Variants in MED13 observed in about 807,000 individuals in gnomAD.
The protein encoded by MED13 is mediator of RNA polymerase II transcription subunit 13.
Under a neutral mutation model 225.2 loss-of-function variants are expected in MED13, and 23 were observed. The ratio of observed to expected loss-of-function variants is 0.10; its 90% CI spans 0.07 to 0.14. The LOEUF (loss-of-function observed/expected upper bound fraction) is 0.14, where lower values mean the gene tolerates loss of function less well. MED13 is among the 10% of genes least tolerant of loss of function. MED13 has a pLI of 1.00. For missense variants in MED13, 2,197 were observed against 2,594.5 expected (o/e 0.85, Z 3.33); for synonymous variants, 942 against 889.2 (o/e 1.06, Z -1.06).
chr17:62,023,110 T>G (rs1298684383), intron 8 of MED13, among the ~76,000 whole-genome samples: 1 of 152,186 alleles, frequency 6.6e-6, no homozygotes, highest in Admixed American at 6.5e-5. Context: ...GTGAGTAGGC[T>G]TGGGGGAGAG....
At chr17:61,993,596 A>G (rs1603398958) in intron 10 of MED13, among the ~76,000 whole-genome samples, 3 of 152,160 alleles carry the variant, frequency 2.0e-5, no homozygotes, top group Admixed American at 2.0e-4. Context: ...GGCATATAGT[A>G]GGGCTAAGTA....
At chr17:62,021,345 G>T (rs2080643294) in intron 8 of MED13, among the ~76,000 whole-genome samples, 1 of 147,358 alleles carries the variant, frequency 6.8e-6, no homozygotes, top group African/African-American at 2.5e-5. Flanking sequence ...CTCCCGGACA[G>T]GGTGGCTGGC....
chr17:62,039,841 C>T (rs1192718586), intron 3 of MED13, among the ~76,000 whole-genome samples: 2 of 151,994 alleles, frequency 1.3e-5, no homozygotes, highest in African/African-American at 2.4e-5. Flanking sequence ...TCAGGTGATC[C>T]GCCCACCTTG....
chr17:61,946,652 T>C (rs1255775862), intron 29 of MED13, 52 bp from the exon 30 acceptor site: 3 of 1,595,778 alleles, frequency 1.9e-6, no homozygotes, highest in Non-Finnish European at 2.6e-6. Flanking sequence ...AACCTAGATT[T>C]TGGAAGCAGT....
intron 26 of MED13, among the ~76,000 whole-genome samples, chr17:61,953,967 T>C (rs377589956): frequency 6.6e-6 from 1 of 152,154 alleles, no homozygotes; most frequent in African/African-American, 2.4e-5. Flanking sequence ...CAATGATAAA[T>C]TAGGTACAGT....
chr17:61,955,869 A>G, intron 24 of MED13, 31 bp from the exon 25 acceptor site: 2 of 1,501,508 alleles, frequency 1.3e-6, no homozygotes, highest in Admixed American at 2.5e-5. Flanking sequence ...AAAAAAAAAA[A>G]AAAAAAAAAA....
intron 8 of MED13, among the ~76,000 whole-genome samples, chr17:62,021,904 C>T (rs1415581122): frequency 1.3e-5 from 2 of 152,050 alleles, no homozygotes; most frequent in Non-Finnish European, 2.9e-5. Flanking sequence ...CAGTGGCTCA[C>T]GTCTGTAATT....
chr17:62,018,825 T>C (rs1204519273), intron 8 of MED13, among the ~76,000 whole-genome samples: 1 of 152,220 alleles, frequency 6.6e-6, no homozygotes, highest in Non-Finnish European at 1.5e-5. Flanking sequence ...GTGAGGGTTC[T>C]AGAATATCGA....
chr17:62,033,723 C>A, intron 5 of MED13, 64 bp downstream of exon 5: 1 of 1,479,624 alleles, frequency 6.8e-7, no homozygotes, highest in Non-Finnish European at 9.3e-7. Flanking sequence ...TGTTATTCAG[C>A]AAAATATAAC....
chr17:62,052,496 A>C, intron 3 of MED13, 41 bp downstream of exon 3: 1 of 1,444,142 alleles, frequency 6.9e-7, no homozygotes, highest in Non-Finnish European at 9.3e-7. Context: ...AAAAAGGAAC[A>C]AATCTAAAGA....
intron 8 of MED13, among the ~76,000 whole-genome samples, chr17:62,017,743 G>A (rs2080596873): frequency 6.6e-6 from 1 of 152,138 alleles, no homozygotes; most frequent in South Asian, 2.1e-4. Flanking sequence ...TATCACTTAA[G>A]AATGTCCTTC....
intron 8 of MED13, 36 bp downstream of exon 8, chr17:62,029,505 C>T (rs183558828): frequency 1.3e-4 from 197 of 1,484,462 alleles, no homozygotes; most frequent in Middle Eastern, 8.6e-4. Flanking sequence ...AACAAACTAT[C>T]ACACATAGGC....
At chr17:62,054,238 T>C (rs967915095) in intron 2 of MED13, among the ~76,000 whole-genome samples, 10 of 151,638 alleles carry the variant, frequency 6.6e-5, no homozygotes, top group African/African-American at 2.2e-4. Context: ...GAGGGAGAGA[T>C]TACAGTGAGC....
intron 9 of MED13, among the ~76,000 whole-genome samples, chr17:61,998,568 T>C (rs2080365308): frequency 6.6e-6 from 1 of 150,542 alleles, no homozygotes; most frequent in Admixed American, 6.7e-5. Flanking sequence ...AACAAATGAA[T>C]GCAATAATGT....
intron 8 of MED13, among the ~76,000 whole-genome samples, chr17:62,015,861 GTGTGTA>G (rs1441346888): frequency 2.6e-5 from 2 of 75,708 alleles, no homozygotes; most frequent in African/African-American, 1.2e-4. Flanking sequence ...TATGTGTATA[GTGTGTA>G]TGTGTGTGTG....
chr17:61,992,259 G>A (rs2080306111), intron 11 of MED13, among the ~76,000 whole-genome samples: 1 of 152,066 alleles, frequency 6.6e-6, no homozygotes. Flanking sequence ...CCAGTAGAAG[G>A]GGGTGAGAAA....
chr17:61,957,069 T>TG (rs1798456803), intron 23 of MED13, among the ~76,000 whole-genome samples: 2 of 152,132 alleles, frequency 1.3e-5, no homozygotes, highest in South Asian at 2.1e-4. Flanking sequence ...GTTTTTTTGA[T>TG]GGAGTCTCAC....
At chr17:61,978,921 TTAA>T (rs1298772202) in intron 16 of MED13, among the ~76,000 whole-genome samples, 1 of 152,190 alleles carries the variant, frequency 6.6e-6, no homozygotes, top group Admixed American at 6.5e-5. Flanking sequence ...AAAATTTTCT[TTAA>T]TAATAAAATG....
intron 8 of MED13, among the ~76,000 whole-genome samples, chr17:62,013,429 C>A (rs560654891): frequency 6.6e-6 from 1 of 151,912 alleles, no homozygotes; most frequent in East Asian, 1.9e-4. Flanking sequence ...AAAAGAAAAC[C>A]ATATTATCTC....
Sources: gnomAD v4.1 joint callset for allele counts (sites outside exome capture counted in the v4.1 genomes callset) on GRCh38, gnomAD v4.1.1 for gene constraint, MANE v1.5 for transcripts, NCBI Gene and HGNC (gene_info 2026-07-23, HGNC 2026-07-21) for gene names.